Variants in PNPLA7 observed in about 807,000 individuals in gnomAD.
PNPLA7 encodes the protein patatin-like phospholipase domain-containing protein 7.
In PNPLA7, 153 loss-of-function variants were observed where a neutral mutation model predicts 161.7. The observed-to-expected ratio is 0.95, with a 90% CI of 0.83 to 1.08. PNPLA7 has a LOEUF of 1.08. Ranked by LOEUF, PNPLA7 falls within the 50% of genes least tolerant of loss-of-function variation. The pLI, the probability that PNPLA7 is intolerant of heterozygous loss-of-function variation, is 0.00. For missense variants in PNPLA7, 1,739 were observed against 1,856.6 expected (o/e 0.94, Z 1.16); for synonymous variants, 809 against 782.1 (o/e 1.03, Z -0.57).
In PNPLA7 at chr9:137,506,040, G is replaced by T. The variant is rs1833903144; in HGVS notation, c.1269C>A (p.Asp423Glu). 1.9e-6 allele frequency: 3 copies of T among 1,613,116 alleles called. No individual in the cohort carries two copies. Among genetic ancestry groups the T allele is most frequent in the African/African-American group, 1.3e-5 (1 of 75,040 alleles). ...SATSDLGMAC[D>E]RARVFLHSDE... ...CCGAGTGCAGGAAGACCCTGGCACGGTCACATGCCATCCCCAGATCAGAAG... is the reference window on the plus strand; with the variant it reads ...CCGAGTGCAGGAAGACCCTGGCACGTTCACATGCCATCCCCAGATCAGAAG... Residue 423 changes from aspartate (D) to glutamate (E), a missense_variant, in exon 13 of 35, where the codon GAC (aspartate) becomes GAA (glutamate). Physicochemically the swap from Asp to Glu is conservative, Grantham distance 45. Around this residue, in one of 6 missense-constraint regions of PNPLA7, gnomAD observed 481 missense variants for 450.0 expected, o/e 1.07. Coordinates refer to ENST00000406427, the MANE Select transcript of PNPLA7 (RefSeq NM_001098537.3).
At chr9:137,462,881 CA>C (rs1287999854) in intron 29 of PNPLA7, 48 bp from the exon 30 acceptor site, 1 of 1,604,196 alleles carries the variant, frequency 6.2e-7, no homozygotes, top group Admixed American at 1.7e-5. Context: ...CATGCAGAGC[CA>C]GGGGACGGGG....
chr9:137,514,313 T>C (rs1167702853), intron 12 of PNPLA7, among the ~76,000 whole-genome samples: 27 of 118,822 alleles, frequency 2.3e-4, no homozygotes, highest in African/African-American at 4.5e-4. Context: ...GCGGGTCACC[T>C]GACTGTTGAG....
Position 137,500,684 on chromosome 9 carries a change from G to T in PNPLA7, c.1757+7C>A. The T allele has an allele frequency of 6.2e-7, 1 of 1,611,920 alleles. No homozygotes were observed. Among genetic ancestry groups the T allele is most frequent in the East Asian group, 2.2e-5 (1 of 44,834 alleles). ...CCCGCCCTGAGGTCCTGGCCCGTGG[G>T]ACTCACTCATAGAAGTGGGCCTTGG... On this transcript the variant is annotated splice_region_variant and intron_variant, in intron 16 of 34. Coordinates refer to ENST00000406427, the MANE Select transcript of PNPLA7 (RefSeq NM_001098537.3). The surrounding 1 kb of genome is among the most constrained non-coding windows in gnomAD (Gnocchi z 5.5).
intron 8 of PNPLA7, among the ~76,000 whole-genome samples, chr9:137,532,643 C>G (rs1371483642): frequency 6.6e-6 from 1 of 152,154 alleles, no homozygotes; most frequent in Non-Finnish European, 1.5e-5. Context: ...AAAGCTGACA[C>G]TTGGTTTTAG....
At position 137,537,466 on chromosome 9, in the gene PNPLA7, C is replaced by T. The variant is rs146904866; in HGVS notation, c.747+3176G>A. On this transcript the variant is annotated intron_variant, in intron 8 of 34. Coordinates refer to ENST00000406427, the MANE Select transcript of PNPLA7 (RefSeq NM_001098537.3). This position sits in a 1 kb window ranked among gnomAD's most constrained non-coding sequence, Gnocchi z 4.5. ...CCGAGTAGCTGGGATAACAGGCACC[C>T]GCCACCACACCCAGCTAATTTTTGT... Among the ~76,000 whole-genome samples the T allele has an allele frequency of 2.1e-3, 320 of 152,200 alleles. No individual in the cohort carries two copies. Among genetic ancestry groups the T allele is most frequent in the African/African-American group, 7.3e-3 (301 of 41,512 alleles).
At chr9:137,470,714 G>A (rs1831667164) in intron 25 of PNPLA7, among the ~76,000 whole-genome samples, 1 of 152,176 alleles carries the variant, frequency 6.6e-6, no homozygotes, top group Admixed American at 6.5e-5. Flanking sequence ...ACTCAGGTTT[G>A]AGTAGAATCT....
At chr9:137,475,338 G>A (rs577437443) in intron 25 of PNPLA7, among the ~76,000 whole-genome samples, 1 of 152,280 alleles carries the variant, frequency 6.6e-6, no homozygotes, top group South Asian at 2.1e-4. Context: ...GATTGCCACT[G>A]CACGCCAGCC....
At chr9:137,501,608 G>C (rs776742334) in intron 15 of PNPLA7, 42 bp downstream of exon 15, 1 of 1,577,850 alleles carries the variant, frequency 6.3e-7, no homozygotes, top group African/African-American at 1.3e-5. Context: ...CTGGGCTATG[G>C]CATTGGGTGG....
rs1367060176 is a variant in PNPLA7, at chr9:137,543,334, T to C, written c.506+98A>G. 12 of 1,486,488 alleles carry C rather than the reference T, an allele frequency of 8.1e-6. No homozygotes were observed. The highest frequency in any genetic ancestry group is 1.1e-5 in the Non-Finnish European group (12 of 1,080,020). 92.1% of individuals were successfully genotyped at this position (1,486,488 alleles called of 1,614,324 possible). A position where few individuals can be genotyped will look rare whatever the true frequency, so the allele number is the denominator to read the frequency against. Reference sequence around the variant, plus strand: ...CCCCACGATGCGCTTTGCCAACCATTCCCCCAACACAAGACGGCCAAGCTG... The same window carrying C: ...CCCCACGATGCGCTTTGCCAACCATCCCCCCAACACAAGACGGCCAAGCTG... On this transcript the variant is annotated intron_variant, in intron 6 of 34. Coordinates refer to ENST00000406427, the MANE Select transcript of PNPLA7 (RefSeq NM_001098537.3). This position sits in a 1 kb window ranked among gnomAD's most constrained non-coding sequence, Gnocchi z 6.9.
chr9:137,545,613 G>T (rs1836460084), intron 4 of PNPLA7, among the ~76,000 whole-genome samples: 1 of 152,198 alleles, frequency 6.6e-6, no homozygotes, highest in Non-Finnish European at 1.5e-5. Flanking sequence ...TCTTAGATAT[G>T]ATTATATATG....
chr9:137,493,645 A>AC (rs928521752), intron 19 of PNPLA7, among the ~76,000 whole-genome samples: 1 of 152,166 alleles, frequency 6.6e-6, no homozygotes, highest in African/African-American at 2.4e-5. Flanking sequence ...CACTGGCTTC[A>AC]CCCGCACTGT....
At chr9:137,519,767 G>A in intron 11 of PNPLA7, 150 bp downstream of exon 11, 1 of 1,067,366 alleles carries the variant, frequency 9.4e-7, no homozygotes, top group Non-Finnish European at 1.3e-6. Context: ...TGTGGGACTT[G>A]TAGGGTGACC....
chr9:137,521,081 G>A (rs903332143), intron 10 of PNPLA7, among the ~76,000 whole-genome samples: 4 of 151,936 alleles, frequency 2.6e-5, no homozygotes, highest in Non-Finnish European at 4.4e-5. Context: ...CCCATGGGAC[G>A]GGCATGGGGA....
intron 18 of PNPLA7, among the ~76,000 whole-genome samples, chr9:137,496,499 G>A (rs1008383264): frequency 6.6e-6 from 1 of 152,024 alleles, no homozygotes; most frequent in Admixed American, 6.5e-5. Context: ...ATCACCTGCG[G>A]TCGGGAGTTG....
intron 21 of PNPLA7, among the ~76,000 whole-genome samples, chr9:137,483,772 G>C (rs1278319867): frequency 1.3e-5 from 2 of 151,988 alleles, no homozygotes; most frequent in Non-Finnish European, 2.9e-5. Context: ...TAACTTATAA[G>C]TATTCGATGT....
chr9:137,465,540 C>T (rs1219621732), intron 26 of PNPLA7, among the ~76,000 whole-genome samples: 3 of 152,204 alleles, frequency 2.0e-5, no homozygotes, highest in Non-Finnish European at 4.4e-5. Context: ...TCCCTGGGGC[C>T]GTCCTGCTGC....
chr9:137,464,216 G>A, intron 27 of PNPLA7, 21 bp from the exon 28 acceptor site: 1 of 1,613,350 alleles, frequency 6.2e-7, no homozygotes, highest in Non-Finnish European at 8.5e-7. Flanking sequence ...ACGGGGCTCA[G>A]ATGGGCCCTC....
At chr9:137,550,032 C>T in intron 1 of PNPLA7, 136 bp downstream of exon 1, 1 of 1,036,672 alleles carries the variant, frequency 9.6e-7, no homozygotes. Flanking sequence ...AGATCCACCA[C>T]TCCCACAGTC....
At chr9:137,533,079 G>T (rs1049237116) in intron 8 of PNPLA7, among the ~76,000 whole-genome samples, 1 of 150,162 alleles carries the variant, frequency 6.7e-6, no homozygotes, top group Non-Finnish European at 1.5e-5. Flanking sequence ...AGCACTCTCA[G>T]ACTCCTCAGT....
Sources: allele counts gnomAD v4.1 joint callset (sites outside exome capture counted in the v4.1 genomes callset), GRCh38; gene constraint gnomAD v4.1.1; regional missense constraint gnomAD v4.1.1; non-coding constraint Gnocchi (gnomAD v3.1); transcripts MANE v1.5; gene names NCBI Gene and HGNC (gene_info 2026-07-23, HGNC 2026-07-21).